Variants in SGMS1 observed in about 807,000 individuals in gnomAD.
The protein encoded by SGMS1 is phosphatidylcholine:ceramide cholinephosphotransferase 1.
A neutral mutation model predicts 46.2 loss-of-function variants in SGMS1; 13 were observed. The observed-to-expected ratio is 0.28, with a 90% confidence interval of 0.18 to 0.45. The LOEUF is 0.45. SGMS1 is among the 20% of genes least tolerant of loss of function. The probability of loss-of-function intolerance (pLI) is 1.00; values close to 1 mark genes in which losing one functional copy is unlikely to be tolerated. For synonymous variants in SGMS1, 203 were observed against 187.8 expected (o/e 1.08, Z -0.66); for missense variants, 324 against 519.9 (o/e 0.62, Z 3.66).
At chr10:50,335,841 T>C (rs1274957551) in intron 7 of SGMS1, 1 of 152,224 alleles carries the variant, frequency 6.6e-6, no homozygotes, top group East Asian at 1.9e-4. Context: ...CATTTATCTC[T>C]GGTGAGATGA....
intron 1 of SGMS1, among the ~76,000 whole-genome samples, chr10:50,607,469 C>T (rs1410383969): frequency 6.6e-6 from 1 of 152,156 alleles, no homozygotes; most frequent in African/African-American, 2.4e-5. Context: ...TCATTCTTCT[C>T]CAGGGAAGAT....
intron 6 of SGMS1, among the ~76,000 whole-genome samples, chr10:50,354,230 T>C (rs878980315): frequency 6.6e-6 from 1 of 152,056 alleles, no homozygotes; most frequent in Admixed American, 6.6e-5. Context: ...ATGGTACTGG[T>C]ACCAAAACAG....
At chr10:50,565,189 C>T (rs755066132) in intron 2 of SGMS1, among the ~76,000 whole-genome samples, 2 of 152,164 alleles carry the variant, frequency 1.3e-5, no homozygotes, top group African/African-American at 2.4e-5. Flanking sequence ...TTTGAAGGCA[C>T]ACAAATTGTC....
At chr10:50,560,775 T>C (rs1021314054) in intron 2 of SGMS1, among the ~76,000 whole-genome samples, 11 of 151,852 alleles carry the variant, frequency 7.2e-5, no homozygotes, top group African/African-American at 2.7e-4. Flanking sequence ...AGTATACATA[T>C]AGTTTTGTTT....
intron 3 of SGMS1, among the ~76,000 whole-genome samples, chr10:50,480,878 G>A (rs1470783688): frequency 3.3e-5 from 5 of 152,144 alleles, no homozygotes; most frequent in South Asian, 2.1e-4. Flanking sequence ...CCACAGCACC[G>A]CACAGTGGCT....
At chr10:50,509,089 T>C (rs937563631) in intron 3 of SGMS1, among the ~76,000 whole-genome samples, 1 of 152,150 alleles carries the variant, frequency 6.6e-6, no homozygotes. Flanking sequence ...ATCCCAGTTT[T>C]AAATAAACAA....
At chr10:50,460,903 G>T (rs1180047422) in intron 4 of SGMS1, 89 bp from the exon 5 acceptor site, 2 of 152,126 alleles carry the variant, frequency 1.3e-5, no homozygotes, top group Non-Finnish European at 2.9e-5. Flanking sequence ...ATTCAGTCCA[G>T]CTCACTATAA....
At chr10:50,317,448 G>C (rs896718328) in intron 8 of SGMS1, among the ~76,000 whole-genome samples, 1 of 152,102 alleles carries the variant, frequency 6.6e-6, no homozygotes, top group Non-Finnish European at 1.5e-5. Context: ...TAAAAGAGTG[G>C]CTTACCGACC....
At chr10:50,489,291 C>G (rs1426260355) in intron 3 of SGMS1, among the ~76,000 whole-genome samples, 1 of 152,250 alleles carries the variant, frequency 6.6e-6, no homozygotes, top group Non-Finnish European at 1.5e-5. Flanking sequence ...GAACTTACAA[C>G]TGCATCTTCC....
chr10:50,614,839 C>A (rs1169710994), intron 1 of SGMS1, among the ~76,000 whole-genome samples: 1 of 152,238 alleles, frequency 6.6e-6, no homozygotes, highest in Admixed American at 6.5e-5. Flanking sequence ...CCAGGGCATT[C>A]TTTTTCCTAC....
intron 2 of SGMS1, among the ~76,000 whole-genome samples, chr10:50,523,896 C>G (rs141553232): frequency 6.6e-6 from 1 of 152,262 alleles, no homozygotes; most frequent in South Asian, 2.1e-4. Flanking sequence ...TCAAGGCACA[C>G]GTGTGCACAT....
chr10:50,335,055 C>T (rs1847693738), intron 7 of SGMS1: 1 of 152,212 alleles, frequency 6.6e-6, no homozygotes, highest in Admixed American at 6.5e-5. Flanking sequence ...TATGAGGACA[C>T]TGGCTTTAAT....
intron 6 of SGMS1, among the ~76,000 whole-genome samples, chr10:50,349,700 T>C (rs1847973430): frequency 6.6e-6 from 1 of 152,200 alleles, no homozygotes; most frequent in African/African-American, 2.4e-5. Flanking sequence ...TGAGATCTGA[T>C]GGGTTTATCA....
chr10:50,391,830 A>G (rs918662802), intron 6 of SGMS1, among the ~76,000 whole-genome samples: 1 of 145,456 alleles, frequency 6.9e-6, no homozygotes, highest in African/African-American at 2.6e-5. Flanking sequence ...ATGGAACATT[A>G]TGCAATCATT....
intron 6 of SGMS1, among the ~76,000 whole-genome samples, chr10:50,348,158 AGCT>A (rs1252064470): frequency 6.6e-6 from 1 of 152,148 alleles, no homozygotes; most frequent in African/African-American, 2.4e-5. Context: ...GATGGGTTCC[AGCT>A]TCACCCATGT....
intron 2 of SGMS1, among the ~76,000 whole-genome samples, chr10:50,585,161 T>G (rs1273207279): frequency 6.6e-6 from 1 of 152,252 alleles, no homozygotes; most frequent in African/African-American, 2.4e-5. Context: ...CAGAGATAGA[T>G]TAATTTGTTA....
At chr10:50,550,448 A>T (rs12243215) in intron 2 of SGMS1, among the ~76,000 whole-genome samples, 3 of 152,142 alleles carry the variant, frequency 2.0e-5, no homozygotes, top group African/African-American at 7.2e-5. Context: ...TCAGCCCTAC[A>T]ATACACCCTT....
At chr10:50,607,154 T>G (rs1838705352) in intron 1 of SGMS1, among the ~76,000 whole-genome samples, 1 of 151,354 alleles carries the variant, frequency 6.6e-6, no homozygotes, top group South Asian at 2.1e-4. Flanking sequence ...AATTTTTTTT[T>G]TTTTTTTTGG....
chr10:50,390,049 C>T (rs1848743430), intron 6 of SGMS1, among the ~76,000 whole-genome samples: 1 of 152,094 alleles, frequency 6.6e-6, no homozygotes, highest in Admixed American at 6.5e-5. Flanking sequence ...GCTGGTGTTC[C>T]TTTACTTTTT....
Sources: gnomAD v4.1 joint callset for allele counts (sites outside exome capture counted in the v4.1 genomes callset) on GRCh38, gnomAD v4.1.1 for gene constraint, MANE v1.5 for transcripts, NCBI Gene and HGNC (gene_info 2026-07-23, HGNC 2026-07-21) for gene names.